The following TMCC3 variants were observed in gnomAD, a reference collection of about 807,000 sequenced individuals.
TMCC3 encodes transmembrane and coiled-coil domain protein 3.
In TMCC3, 28 loss-of-function variants were observed where a neutral mutation model predicts 40.2. The ratio of observed to expected loss-of-function variants is 0.70; its 90% confidence interval spans 0.52 to 0.95. The LOEUF (loss-of-function observed/expected upper bound fraction) is 0.95. Ranked by LOEUF, TMCC3 falls within the 40% of genes least tolerant of loss-of-function variation. The pLI is 0.00. For synonymous variants in TMCC3, 255 were observed against 248.5 expected (o/e 1.03, Z -0.25); for missense variants, 554 against 615.2 (o/e 0.90, Z 1.05).
intron 1 of TMCC3, among the ~76,000 whole-genome samples, chr12:94,596,479 G>T (rs1240454270): frequency 6.6e-6 from 1 of 152,146 alleles, no homozygotes; most frequent in Non-Finnish European, 1.5e-5. Context: ...CAAGTCAAAC[G>T]ATGTCTCTTC....
chr12:94,579,579 G>A (rs1165291085), intron 2 of TMCC3, among the ~76,000 whole-genome samples: 1 of 152,208 alleles, frequency 6.6e-6, no homozygotes, highest in African/African-American at 2.4e-5. Flanking sequence ...AGGATGTACT[G>A]TTTGGAGAAG....
At chr12:94,601,702 G>C (rs922776426) in intron 1 of TMCC3, among the ~76,000 whole-genome samples, 2 of 150,716 alleles carry the variant, frequency 1.3e-5, no homozygotes, top group Non-Finnish European at 2.9e-5. Context: ...CAGCTAATTG[G>C]GGAGGTTGAG....
At chr12:94,590,654 C>G (rs1020782954) in intron 1 of TMCC3, among the ~76,000 whole-genome samples, 2 of 152,042 alleles carry the variant, frequency 1.3e-5, no homozygotes, top group African/African-American at 4.8e-5. Flanking sequence ...GCTGGGAGAC[C>G]GATGTGGGGC....
chr12:94,625,357 G>A lies in TMCC3; in HGVS notation c.78+24996C>T, dbSNP rs368981700. Among the ~76,000 whole-genome samples, 6 of 152,016 alleles carry A rather than the reference G, an allele frequency of 3.9e-5. No individual in the cohort carries two copies. In the East Asian group the frequency reaches 9.7e-4, roughly 25 times the overall value. On this transcript the variant is annotated intron_variant, in intron 1 of 3. Coordinates refer to ENST00000261226, the MANE Select transcript of TMCC3 (RefSeq NM_020698.4). ...AATTCCAGCACTTTGGGAGGCTGAG[G>A]TAGGCAGATCACCTGAACCTGAGGT... is the stretch of plus-strand genomic sequence containing the variant.
intron 2 of TMCC3, among the ~76,000 whole-genome samples, chr12:94,578,832 T>C (rs1594266504): frequency 6.6e-6 from 1 of 152,138 alleles, no homozygotes; most frequent in East Asian, 1.9e-4. Flanking sequence ...GCTGATGCAC[T>C]TGCCAGGGCC....
intron 1 of TMCC3, among the ~76,000 whole-genome samples, chr12:94,590,431 GAAC>G (rs1215701954): frequency 6.6e-6 from 1 of 152,014 alleles, no homozygotes; most frequent in Non-Finnish European, 1.5e-5. Context: ...GCTTGTATTG[GAAC>G]AATGCCTACG....
intron 1 of TMCC3, among the ~76,000 whole-genome samples, chr12:94,589,160 T>C (rs1594273214): frequency 1.3e-5 from 2 of 151,776 alleles, no homozygotes; most frequent in East Asian, 3.9e-4. Flanking sequence ...TCATTGGCTA[T>C]CGTTAGTGTT....
intron 3 of TMCC3, among the ~76,000 whole-genome samples, chr12:94,575,591 G>A (rs1483376846): frequency 1.3e-5 from 2 of 152,094 alleles, no homozygotes; most frequent in Non-Finnish European, 2.9e-5. Flanking sequence ...AGAAAACGTC[G>A]AAATGAACCT....
intron 1 of TMCC3, among the ~76,000 whole-genome samples, chr12:94,593,425 AAGAAGAAGGAGAAGGAGAAGGAGAAGG>A (rs2068694411): frequency 1.8e-5 from 1 of 55,564 alleles, no homozygotes; most frequent in African/African-American, 6.5e-5. Context: ...AAGAAGAAGG[AAGAAGAAGGAGAAGGAGAAGGAGAAGG>A]AGAAGAAGAA....
Position 94,581,979 on chromosome 12 carries a change from T to G in TMCC3, c.638A>C (p.Lys213Thr). 6.2e-7 allele frequency: 1 copy of G among 1,614,224 alleles called. No individual in the cohort carries two copies. Among genetic ancestry groups the G allele is most frequent in the East Asian group, 2.2e-5 (1 of 44,888 alleles). Residue 213 changes from lysine (K) to threonine (T), a missense_variant, in exon 2 of 4, where the codon AAG becomes ACG. Lys to Thr is a moderately conservative substitution (Grantham distance 78). Coordinates refer to ENST00000261226, the MANE Select transcript of TMCC3 (RefSeq NM_020698.4). ...AGCAATGTTGTCGGCGCTGCCAAAC[T>G]TATTCCGGATCAGGTTGGCAAACTC... ...SREFANLIRN[K>T]FGSADNIAHL...
intron 1 of TMCC3, among the ~76,000 whole-genome samples, chr12:94,596,186 C>A (rs1284878383): frequency 6.6e-6 from 1 of 152,136 alleles, no homozygotes; most frequent in Non-Finnish European, 1.5e-5. Context: ...TATGTATAGC[C>A]CCTAGGGTAA....
chr12:94,567,963 T>A lies in TMCC3; in HGVS notation c.*3472A>T, dbSNP rs879079966. The A allele has an allele frequency of 6.6e-6, 1 of 152,068 alleles. No homozygotes were observed. Among genetic ancestry groups the A allele is most frequent in the Non-Finnish European group, 1.5e-5 (1 of 68,020 alleles). 9.4% of individuals were successfully genotyped at this position (152,068 alleles called of 1,614,324 possible). On this transcript the variant is annotated 3_prime_UTR_variant, in exon 4 of 4. Coordinates refer to ENST00000261226, the MANE Select transcript of TMCC3 (RefSeq NM_020698.4). ...ACTGAGCCCATAATTAAACCTGATA[T>A]GCTAGAGAAATGGCAAGGCAATAAA...
intron 1 of TMCC3, among the ~76,000 whole-genome samples, chr12:94,634,414 G>GT (rs200734024): frequency 1.3e-5 from 2 of 150,626 alleles, no homozygotes; most frequent in African/African-American, 4.9e-5. Flanking sequence ...AAAAACAAAA[G>GT]TTTAAAAAAA....
intron 1 of TMCC3, among the ~76,000 whole-genome samples, chr12:94,626,520 T>G (rs904200975): frequency 1.3e-5 from 2 of 152,214 alleles, no homozygotes; most frequent in Admixed American, 1.3e-4. Flanking sequence ...AGTCCTGCTT[T>G]CTGTTGAAAT....
At chr12:94,602,572 G>A (rs558752703) in intron 1 of TMCC3, among the ~76,000 whole-genome samples, 18 of 152,258 alleles carry the variant, frequency 1.2e-4, no homozygotes, top group Non-Finnish European at 2.6e-4. Context: ...GAAACTTGTA[G>A]ATAACTGAAA....
chr12:94,625,652 C>G (rs1321837668), intron 1 of TMCC3, among the ~76,000 whole-genome samples: 1 of 151,524 alleles, frequency 6.6e-6, no homozygotes, highest in African/African-American at 2.4e-5. Context: ...ATAGTCTCAC[C>G]GTGAACGAAG....
At chr12:94,618,003 CA>C (rs1215004703) in intron 1 of TMCC3, among the ~76,000 whole-genome samples, 1 of 152,132 alleles carries the variant, frequency 6.6e-6, no homozygotes, top group Non-Finnish European at 1.5e-5. Flanking sequence ...TGCCTTAAAC[CA>C]AATGTTAAGT....
chr12:94,607,006 T>C (rs2068787415), intron 1 of TMCC3, among the ~76,000 whole-genome samples: 1 of 152,110 alleles, frequency 6.6e-6, no homozygotes. Context: ...TGTATTTCAG[T>C]CCTTATCTAA....
intron 2 of TMCC3, among the ~76,000 whole-genome samples, chr12:94,579,187 CT>C (rs2068585662): frequency 6.6e-6 from 1 of 152,190 alleles, no homozygotes; most frequent in South Asian, 2.1e-4. Flanking sequence ...TGCCCTGCCC[CT>C]CTCACTGAAG....
Sources: gnomAD v4.1 joint callset for allele counts (sites outside exome capture counted in the v4.1 genomes callset) on GRCh38, gnomAD v4.1.1 for gene constraint, MANE v1.5 for transcripts, NCBI Gene and HGNC (gene_info 2026-07-23, HGNC 2026-07-21) for gene names.